FAM3B: variants seen among roughly 807,000 people sequenced by gnomAD.
The protein encoded by FAM3B is FAM3 metabolism regulating signaling molecule B, also known as protein FAM3B.
In FAM3B, 29 loss-of-function variants were observed where a neutral mutation model predicts 28.4. The ratio of observed to expected loss-of-function variants is 1.02; its 90% CI spans 0.76 to 1.39. The LOEUF (loss-of-function observed/expected upper bound fraction) is 1.39. Ranked by LOEUF, FAM3B falls within the 40% of genes most tolerant of loss-of-function variation. The pLI is 0.00. For synonymous variants in FAM3B, 91 were observed against 103.0 expected, an observed-to-expected ratio of 0.88 and a Z score of 0.71; for missense variants, 266 against 293.9, an observed-to-expected ratio of 0.91 and a Z score of 0.69.
intron 2 of FAM3B, among the ~76,000 whole-genome samples, chr21:41,335,264 G>A (rs2088945044): frequency 6.6e-6 from 1 of 152,220 alleles, no homozygotes; most frequent in Admixed American, 6.5e-5. Flanking sequence ...TGCAATGTGA[G>A]AAGGACAAGA....
At position 41,338,609 on chromosome 21, in the gene FAM3B, T is replaced by C. The variant is rs141003820; in HGVS notation, c.287+108T>C. ...GCCCACAGGAGAGAACCATATGTCG[T>C]TGGTCTCAGGCAAAAGGCTGAGAGC... On this transcript the variant is annotated intron_variant, in intron 3 of 7. Transcript: ENST00000357985. 2,139 of 1,459,790 alleles carry C rather than the reference T, an allele frequency of 1.5e-3. 40 individuals are homozygous for C. In the East Asian group the frequency reaches 0.027, roughly 18 times the overall value. The allele number at this position is 1,459,790 out of a possible 1,614,324, so 90.4% of individuals were successfully genotyped here.
At chr21:41,356,979 TCAAA>T in intron 7 of FAM3B, 125 bp from the exon 8 acceptor site, 1 of 424,546 alleles carries the variant, frequency 2.4e-6, no homozygotes. Context: ...GTATTGGAAA[TCAAA>T]CACCCAGCTT....
intron 5 of FAM3B, 90 bp from the exon 6 acceptor site, chr21:41,346,923 C>A: frequency 8.9e-7 from 1 of 1,127,932 alleles, no homozygotes; most frequent in South Asian, 1.2e-5. Flanking sequence ...AGAATGGACA[C>A]AGAATGCAGG....
chr21:41,324,853 G>A (rs2088841751), intron 2 of FAM3B, among the ~76,000 whole-genome samples: 1 of 152,212 alleles, frequency 6.6e-6, no homozygotes, highest in Non-Finnish European at 1.5e-5. Flanking sequence ...TATAATCGCA[G>A]CACTTTGGGA....
intron 7 of FAM3B, among the ~76,000 whole-genome samples, chr21:41,351,680 A>G (rs1359510428): frequency 6.6e-6 from 1 of 152,144 alleles, no homozygotes; most frequent in African/African-American, 2.4e-5. Flanking sequence ...CCCCAGCCCC[A>G]TGTTCACTCC....
chr21:41,318,831 T>G (rs1345946615), intron 1 of FAM3B, among the ~76,000 whole-genome samples: 2 of 152,208 alleles, frequency 1.3e-5, no homozygotes, highest in African/African-American at 2.4e-5. Context: ...CCTAAAATCC[T>G]CCTACCTGTA....
intron 2 of FAM3B, among the ~76,000 whole-genome samples, chr21:41,335,020 G>T (rs2088941453): frequency 6.6e-6 from 1 of 152,170 alleles, no homozygotes; most frequent in African/African-American, 2.4e-5. Context: ...ACTCGTGTGG[G>T]GCCTGTAGCC....
upstream of FAM3B, among the ~76,000 whole-genome samples, chr21:41,315,397 T>C (rs372625421): frequency 3.3e-5 from 5 of 152,284 alleles, no homozygotes; most frequent in South Asian, 8.3e-4. Flanking sequence ...CACTTCAAGA[T>C]GGCTAAGGTG....
At chr21:41,329,177 C>G (rs2088882176) in intron 2 of FAM3B, among the ~76,000 whole-genome samples, 1 of 152,178 alleles carries the variant, frequency 6.6e-6, no homozygotes, top group African/African-American at 2.4e-5. Flanking sequence ...ACAGTAGTTC[C>G]CCCCACTTAT....
chr21:41,307,857 C>T (rs568335310), intron 1 of FAM3B, among the ~76,000 whole-genome samples: 13 of 152,030 alleles, frequency 8.6e-5, no homozygotes, highest in Non-Finnish European at 1.5e-4. Flanking sequence ...TATGATAATG[C>T]TGAAAAAGTT....
intron 6 of FAM3B, 32 bp downstream of exon 6, chr21:41,347,132 G>T: frequency 6.3e-7 from 1 of 1,598,434 alleles, no homozygotes; most frequent in South Asian, 1.1e-5. Context: ...ACAGCGGTGG[G>T]CAAGAGAAGC....
chr21:41,339,063 G>T (rs148379886), intron 3 of FAM3B, among the ~76,000 whole-genome samples: 2,055 of 152,268 alleles, frequency 0.013, 23 homozygotes, highest in Non-Finnish European at 0.021. Flanking sequence ...ATTAAAGCAG[G>T]TGTTGTTTCT....
intron 2 of FAM3B, among the ~76,000 whole-genome samples, chr21:41,335,442 C>A (rs2088947342): frequency 6.6e-6 from 1 of 152,192 alleles, no homozygotes; most frequent in South Asian, 2.1e-4. Context: ...TGAGGCAGTG[C>A]TCATAACAGT....
intron 6 of FAM3B, among the ~76,000 whole-genome samples, 160 bp from the exon 7 acceptor site, chr21:41,348,432 G>A (rs2089083850): frequency 6.6e-6 from 1 of 152,202 alleles, no homozygotes; most frequent in Non-Finnish European, 1.5e-5. Context: ...AGAAGCATGT[G>A]TGCCTCTTAG....
chr21:41,348,839 T>C, intron 7 of FAM3B, 115 bp downstream of exon 7: 2 of 1,170,910 alleles, frequency 1.7e-6, no homozygotes, highest in South Asian at 1.4e-5. Context: ...TTGTGTCAGC[T>C]GTTTCCATGA....
upstream of FAM3B, among the ~76,000 whole-genome samples, chr21:41,314,536 T>A (rs1039579310): frequency 2.0e-5 from 3 of 152,256 alleles, no homozygotes; most frequent in South Asian, 4.1e-4. Context: ...TAGTTCTTGC[T>A]ATTGATGATG....
intron 6 of FAM3B, 37 bp downstream of exon 6, chr21:41,347,137 A>G: frequency 1.9e-6 from 3 of 1,591,032 alleles, no homozygotes; most frequent in Non-Finnish European, 2.6e-6. Flanking sequence ...GGTGGGCAAG[A>G]GAAGCCAGCT....
At chr21:41,351,536 G>A (rs923057766) in intron 7 of FAM3B, among the ~76,000 whole-genome samples, 26 of 152,226 alleles carry the variant, frequency 1.7e-4, no homozygotes, top group African/African-American at 3.1e-4. Flanking sequence ...AGGTCTTACC[G>A]AGACCTTGAG....
intron 2 of FAM3B, among the ~76,000 whole-genome samples, chr21:41,324,358 T>A (rs925415998): frequency 1.3e-5 from 2 of 152,220 alleles, no homozygotes; most frequent in African/African-American, 2.4e-5. Context: ...AAGGCCATGA[T>A]CAGCCACAGC....
Sources: allele counts gnomAD v4.1 joint callset (sites outside exome capture counted in the v4.1 genomes callset), GRCh38; gene constraint gnomAD v4.1.1; transcripts MANE v1.5; gene names NCBI Gene and HGNC (gene_info 2026-07-23, HGNC 2026-07-21).